KHNYN: variants seen among roughly 807,000 people sequenced by gnomAD.
KHNYN encodes KH and NYN domain containing.
In KHNYN, 42 loss-of-function variants were observed where a neutral mutation model predicts 62.7. The observed-to-expected ratio is 0.67, with a 90% CI of 0.52 to 0.87. The LOEUF (loss-of-function observed/expected upper bound fraction) is 0.87. KHNYN is among the 40% of genes least tolerant of loss of function. The pLI is 0.00. For synonymous variants in KHNYN, 347 were observed against 345.6 expected (o/e 1.00, Z -0.04); for missense variants, 829 against 874.1 (o/e 0.95, Z 0.65).
intron 7 of KHNYN, 85 bp from the exon 8 acceptor site, chr14:24,436,951 A>G: frequency 1.3e-6 from 2 of 1,512,454 alleles, no homozygotes; most frequent in Non-Finnish European, 8.9e-7. Context: ...AGGAATAGGC[A>G]GGACAATTAC....
At chr14:24,431,083 G>T in intron 2 of KHNYN, 152 bp downstream of exon 2, 1 of 688,776 alleles carries the variant, frequency 1.5e-6, no homozygotes, top group Non-Finnish European at 2.4e-6. Context: ...GTGCCCCTGA[G>T]TTTTGAGGGA....
In KHNYN at chr14:24,432,958, G is replaced by C. The variant is rs755169463; in HGVS notation, c.1503G>C (p.Leu501=). The change falls in exon 5 of 8, where the codon CTG becomes CTC. Residue 501 remains leucine (L), a synonymous_variant. Coordinates refer to ENST00000553935, the MANE Select transcript of KHNYN (RefSeq NM_015299.3). The surrounding 1 kb of genome is among the most constrained non-coding windows in gnomAD (Gnocchi z 5.6). ...TAGAGAGTCACTTCCTGCAAAAGCT[G>C]TATTCCCTCAGCCTGCTCTCCCTCA... The part of the protein sequence containing the change: ...KVRESHFLQK[L]YSLSLLSLTP... The C allele has an allele frequency of 5.6e-6, 9 of 1,614,158 alleles. No individual in the cohort carries two copies. Among genetic ancestry groups the C allele is most frequent in the Non-Finnish European group, 7.6e-6 (9 of 1,180,022 alleles).
chr14:24,428,383 C>A (rs745665419), upstream of KHNYN: 21 of 1,613,888 alleles, frequency 1.3e-5, no homozygotes, highest in Admixed American at 3.3e-4. Flanking sequence ...CCGGTCAAAG[C>A]CACCGCCCTC....
chr14:24,436,655 CAT>C (rs2043209501), intron 7 of KHNYN, among the ~76,000 whole-genome samples, 166 bp downstream of exon 7: 1 of 152,200 alleles, frequency 6.6e-6, no homozygotes, highest in South Asian at 2.1e-4. Flanking sequence ...GGGATCCTGA[CAT>C]AGAACCTCCT....
At chr14:24,428,867 G>T, upstream of KHNYN, 1 of 1,609,154 alleles carries the variant, frequency 6.2e-7, no homozygotes, top group South Asian at 1.1e-5. Flanking sequence ...CTCTCCCAGG[G>T]CTGCTCCCCC....
upstream of KHNYN, chr14:24,426,454 G>A (rs1414554707): frequency 6.6e-6 from 1 of 152,086 alleles, no homozygotes; most frequent in Non-Finnish European, 1.5e-5. Context: ...TAGGATTAGT[G>A]ACAGTTCAAA....
In KHNYN at chr14:24,430,034, C is replaced by T. The variant is rs2043074812; in HGVS notation, c.-103C>T. The T allele has an allele frequency of 2.0e-6, 2 of 985,668 alleles. No homozygotes were observed. The highest frequency in any genetic ancestry group is 3.5e-5 in the African/African-American group (2 of 57,368). 61.1% of individuals were successfully genotyped at this position (985,668 alleles called of 1,614,324 possible). A position where few individuals can be genotyped will look rare whatever the true frequency, so the allele number is the denominator to read the frequency against. ...GCCCGCCCAGATTCGGGCCCCCTGC[C>T]CTTGTCCCCTGGGCTGGGGGCGCGG... is the stretch of plus-strand genomic sequence containing the variant. On this transcript the variant is annotated 5_prime_UTR_variant, in exon 1 of 8. Transcript: ENST00000553935.
At chr14:24,424,313 A>T (rs180830251), upstream of KHNYN, among the ~76,000 whole-genome samples, 212 of 152,362 alleles carry the variant, frequency 1.4e-3, 1 homozygote, top group African/African-American at 4.6e-3. Flanking sequence ...ACCTTCTAAA[A>T]TGATTAAAAT....
chr14:24,437,255 G>C lies in KHNYN; in HGVS notation c.2007G>C (p.Leu669=). 1 of 1,614,088 alleles carries C rather than the reference G, an allele frequency of 6.2e-7. No homozygotes were observed. Among genetic ancestry groups the C allele is most frequent in the Non-Finnish European group, 8.5e-7 (1 of 1,179,980 alleles). Residue 669 remains leucine, a synonymous_variant, in exon 8 of 8, where the codon CTG becomes CTC. Coordinates refer to ENST00000553935, the MANE Select transcript of KHNYN (RefSeq NM_015299.3). The surrounding 1 kb of genome is among the most constrained non-coding windows in gnomAD (Gnocchi z 5.5). ...REPYCRDINQ[L]SEALLSLNF ...CATACTGCCGGGACATCAACCAACTGTCTGAGGCCCTGCTCAGTCTTAACT... is the reference window on the plus strand; with the variant it reads ...CATACTGCCGGGACATCAACCAACTCTCTGAGGCCCTGCTCAGTCTTAACT...
At chr14:24,426,003 AT>A (rs2043016775), upstream of KHNYN, among the ~76,000 whole-genome samples, 1 of 152,204 alleles carries the variant, frequency 6.6e-6, no homozygotes, top group East Asian at 1.9e-4. Context: ...TGCCTACTAT[AT>A]TTATGTTCTT....
At chr14:24,428,055 G>A, upstream of KHNYN, 1 of 1,515,590 alleles carries the variant, frequency 6.6e-7, no homozygotes, top group East Asian at 2.3e-5. Flanking sequence ...TTTCCCAGGA[G>A]CTTCCTCTTG....
upstream of KHNYN, chr14:24,429,870 C>G: frequency 7.9e-6 from 8 of 1,008,180 alleles, no homozygotes; most frequent in Non-Finnish European, 9.5e-6. Flanking sequence ...GGCCTCTGGG[C>G]GCGGCGGCGG....
Position 24,430,899 on chromosome 14 carries a change from G to T in KHNYN, c.169G>T (p.Glu57Ter). The T allele has an allele frequency of 6.2e-7, 1 of 1,613,866 alleles. No homozygotes were observed. Among genetic ancestry groups the T allele is most frequent in the East Asian group, 2.2e-5 (1 of 44,872 alleles). Reference protein sequence around the residue: ...PDNPHIWLQLEGPKENASRAK... With the variant: ...PDNPHIWLQL ...CAACCCCCACATCTGGCTGCAGCTG[G>T]AGGGCCCCAAGGAAAACGCCAGCAG... Residue 57 changes from glutamate to a stop codon, truncating the protein, a stop_gained, in exon 2 of 8, where the codon GAG (glutamate) becomes TAG (stop). Transcript: ENST00000553935. LOFTEE classifies it high-confidence loss of function.
upstream of KHNYN, chr14:24,427,893 G>A: frequency 1.2e-6 from 2 of 1,614,058 alleles, no homozygotes; most frequent in Non-Finnish European, 8.5e-7. This position sits in a 1 kb window ranked among gnomAD's most constrained non-coding sequence, Gnocchi z 4.4. Flanking sequence ...GGGTCCAAGG[G>A]CAGTAGCACA....
chr14:24,441,559 T>C lies in KHNYN; in HGVS notation c.*4274T>C. ...GAGAAACATGCATGGATCAAGGGCC[T>C]AGGAAGTCATTTTGCCTGGAAAAGA... On this transcript the variant is annotated 3_prime_UTR_variant, in exon 8 of 8. Transcript: ENST00000553935. 6 of 845,144 alleles carry C rather than the reference T, an allele frequency of 7.1e-6. No homozygotes were observed. The highest frequency in any genetic ancestry group is 3.6e-4 in the Middle Eastern group (1 of 2,740). 52.4% of individuals were successfully genotyped at this position (845,144 alleles called of 1,614,324 possible). A position where few individuals can be genotyped will look rare whatever the true frequency, so the allele number is the denominator to read the frequency against.
At chr14:24,431,292 C>T (rs906055398) in intron 2 of KHNYN, among the ~76,000 whole-genome samples, 171 bp from the exon 3 acceptor site, 1 of 152,128 alleles carries the variant, frequency 6.6e-6, no homozygotes, top group Non-Finnish European at 1.5e-5. Flanking sequence ...CAGGATGGCT[C>T]AATCATGTAC....
At chr14:24,425,315 C>T (rs1191180706), upstream of KHNYN, among the ~76,000 whole-genome samples, 1 of 152,254 alleles carries the variant, frequency 6.6e-6, no homozygotes, top group Non-Finnish European at 1.5e-5. Context: ...GGAATAAACA[C>T]TGTAGCTCCT....
chr14:24,437,022 CT>C lies in KHNYN; in HGVS notation c.1788-13del. 1 of 1,602,102 alleles carries C rather than the reference CT, an allele frequency of 6.2e-7. No individual in the cohort carries two copies. The highest frequency in any genetic ancestry group is 8.5e-7 in the Non-Finnish European group (1 of 1,172,420). On this transcript the variant is annotated splice_polypyrimidine_tract_variant and intron_variant, in intron 7 of 7. Transcript: ENST00000553935. This position sits in a 1 kb window ranked among gnomAD's most constrained non-coding sequence, Gnocchi z 5.5. ...AGGATGCTCATCAGCTCTTTTTGGTCTGTTTCTTCCCAGGACACAGGGGTCT... is the reference window on the plus strand; with the variant it reads ...AGGATGCTCATCAGCTCTTTTTGGTCGTTTCTTCCCAGGACACAGGGGTCT...
chr14:24,440,372 A>G lies in KHNYN; in HGVS notation c.*3087A>G, dbSNP rs1270478750. The G allele has an allele frequency of 6.2e-7, 1 of 1,614,042 alleles. No individual in the cohort carries two copies. Among genetic ancestry groups the G allele is most frequent in the Non-Finnish European group, 8.5e-7 (1 of 1,179,886 alleles). On this transcript the variant is annotated 3_prime_UTR_variant, in exon 8 of 8. Coordinates refer to ENST00000553935, the MANE Select transcript of KHNYN (RefSeq NM_015299.3). ...AAGGGCATGGGTCAGGATTCCTGCC[A>G]GGTCCCCGATGTGTATCCAGGGGAA...
Sources: gnomAD v4.1 joint callset for allele counts (sites outside exome capture counted in the v4.1 genomes callset) on GRCh38, gnomAD v4.1.1 for gene constraint, Gnocchi (gnomAD v3.1) non-coding constraint, MANE v1.5 for transcripts, NCBI Gene and HGNC (gene_info 2026-07-23, HGNC 2026-07-21) for gene names.